FPGS: variants seen among roughly 807,000 people sequenced by gnomAD.
FPGS encodes the protein folylpolyglutamate synthase, mitochondrial.
A neutral mutation model predicts 66.5 loss-of-function variants in FPGS; 53 were observed. That is an observed-to-expected ratio of 0.80 (90% confidence interval 0.64 to 1.00). The LOEUF is 1.00. Ranked by LOEUF, FPGS falls within the 50% of genes least tolerant of loss-of-function variation. The probability of loss-of-function intolerance (pLI) is 0.00; values close to 1 mark genes in which losing one functional copy is unlikely to be tolerated. For synonymous variants in FPGS, 348 were observed against 350.9 expected (o/e 0.99, Z 0.09); for missense variants, 702 against 807.7 (o/e 0.87, Z 1.59).
rs1160647258 is a variant in FPGS at position 127,803,161 on chromosome 9, CG to C, written c.138+102del. On this transcript the variant is annotated intron_variant, in intron 1 of 14. Transcript: ENST00000373247. ...CGGGCTCCGCTAGCCGAGAGGGTAT[CG>C]GGAGCCCTGGACTGGGGGACTCGGG... 3.8e-3 allele frequency: 4,164 copies of C among 1,095,398 alleles called. 9 individuals carry two copies. Among genetic ancestry groups the C allele is most frequent in the Non-Finnish European group, 4.4e-3 (3,950 of 906,742 alleles). The allele number at this position is 1,095,398 out of a possible 1,614,324, so 67.9% of individuals were successfully genotyped here. A position where few individuals can be genotyped will look rare whatever the true frequency, so the allele number is the denominator to read the frequency against.
Position 127,807,520 on chromosome 9 carries a change from G to A in FPGS, c.641+38G>A, listed in dbSNP as rs1829864815. On this transcript the variant is annotated intron_variant, in intron 7 of 14. Transcript: ENST00000373247. This position sits in a 1 kb window ranked among gnomAD's most constrained non-coding sequence, Gnocchi z 5.8. ...GCTTGGGACGAGGGGTGGCAGCCAG[G>A]AGCACAGCCTCACCTGCCGCCTGGT... 6.2e-7 allele frequency: 1 copy of A among 1,613,292 alleles called. No individual in the cohort carries two copies. Among genetic ancestry groups the A allele is most frequent in the African/African-American group, 1.3e-5 (1 of 74,918 alleles).
intron 8 of FPGS, 48 bp from the exon 9 acceptor site, chr9:127,808,186 T>C: frequency 7.3e-7 from 1 of 1,376,070 alleles, no homozygotes; most frequent in Non-Finnish European, 1.0e-6. Context: ...GAGATAGGAG[T>C]GTGGAGGATG....
intron 13 of FPGS, 66 bp from the exon 14 acceptor site, chr9:127,810,879 G>A: frequency 1.3e-6 from 1 of 799,464 alleles, no homozygotes; most frequent in Non-Finnish European, 2.1e-6. Context: ...GGCGCAGGGG[G>A]CCATATGGAA....
Position 127,813,385 on chromosome 9 carries a change from C to G in FPGS, c.1545C>G (p.Leu515=). The G allele has an allele frequency of 6.2e-7, 1 of 1,610,776 alleles. No homozygotes were observed. The highest frequency in any genetic ancestry group is 8.5e-7 in the Non-Finnish European group (1 of 1,178,090). Residue 515 remains leucine (L), a synonymous_variant, in exon 15 of 15, where the codon CTC becomes CTG. Transcript: ENST00000373247. The stretch of plus-strand genomic sequence containing the variant: ...CCCACACCTGCAGTGCCAGCTCCCT[C>G]GTCTTCAGCTGCATTTCACATGCCT... ...HPPHTCSASS[L]VFSCISHALQ...
Position 127,813,349 on chromosome 9 carries a change from GCCCCACCCA to G in FPGS, c.1516_1524del (p.Pro506_His508del), listed in dbSNP as rs1830168706. ...GTGGGTCCGCATCCCTGCTTCTGGCGCCCCACCCACCCCACACCTGCAGTGCCAGCTCCC... is the reference window on the plus strand; with the variant it reads ...GTGGGTCCGCATCCCTGCTTCTGGCGCCCCACACCTGCAGTGCCAGCTCCC... On this transcript the variant is annotated inframe_deletion, in exon 15 of 15. Coordinates refer to ENST00000373247, the MANE Select transcript of FPGS (RefSeq NM_004957.6). 1 of 1,612,536 alleles carries G rather than the reference GCCCCACCCA, an allele frequency of 6.2e-7. No homozygotes were observed. Among genetic ancestry groups the G allele is most frequent in the South Asian group, 1.1e-5 (1 of 90,982 alleles).
chr9:127,810,853 C>T (rs1830042629), intron 13 of FPGS, 92 bp from the exon 14 acceptor site: 3 of 656,818 alleles, frequency 4.6e-6, no homozygotes, highest in Admixed American at 4.6e-5. Flanking sequence ...AGGGAGGCTG[C>T]ATCTCCAGAG....
At chr9:127,813,114 A>G in intron 14 of FPGS, 81 bp from the exon 15 acceptor site, 1 of 1,495,744 alleles carries the variant, frequency 6.7e-7, no homozygotes, top group South Asian at 1.4e-5. Flanking sequence ...GCAGGTGCTC[A>G]CGGTGCACCC....
chr9:127,807,289 G>C lies in FPGS; in HGVS notation c.579+3G>C, dbSNP rs1363841878. 6.2e-7 allele frequency: 1 copy of C among 1,614,166 alleles called. No individual in the cohort carries two copies. ...TCCACGTCTTCCTCCAAGAGAAGGT[G>C]TGTGCCCTCTCCCTAGAACCCTGCA... is the stretch of plus-strand genomic sequence containing the variant. On this transcript the variant is annotated splice_donor_region_variant and intron_variant, in intron 6 of 14. Coordinates refer to ENST00000373247, the MANE Select transcript of FPGS (RefSeq NM_004957.6). This position sits in a 1 kb window ranked among gnomAD's most constrained non-coding sequence, Gnocchi z 5.8.
Position 127,802,998 on chromosome 9 carries a change from A to G in FPGS, c.74A>G (p.Gln25Arg), listed in dbSNP as rs1240308258. The G allele has an allele frequency of 6.8e-7, 1 of 1,465,786 alleles. No individual in the cohort carries two copies. The highest frequency in any genetic ancestry group is 8.9e-7 in the Non-Finnish European group (1 of 1,117,552). 90.8% of individuals were successfully genotyped at this position (1,465,786 alleles called of 1,614,324 possible). A position where few individuals can be genotyped will look rare whatever the true frequency, so the allele number is the denominator to read the frequency against. Reference protein sequence around the residue: ...AAASARGITTQVAARRGLSAW... With the variant: ...AAASARGITTRVAARRGLSAW... ...GCGTCTGCGCGCGGCATAACGACCC[A>G]GGTCGCGGCGCGGCGGGGCTTGAGC... The change falls in exon 1 of 15, where the codon CAG (glutamine) becomes CGG (arginine). Residue 25 changes from glutamine to arginine, a missense_variant. Around this residue, in one of 3 missense-constraint regions of FPGS, gnomAD observed 111 missense variants for 95.4 expected, o/e 1.16. Transcript: ENST00000373247.
chr9:127,809,036 A>T, intron 11 of FPGS, 147 bp downstream of exon 11: 9 of 628,552 alleles, frequency 1.4e-5, no homozygotes, highest in Non-Finnish European at 5.5e-6. Context: ...ATGTCAGCAA[A>T]CCTCCCTGAC....
At chr9:127,806,887 G>A (rs1829832260) in intron 4 of FPGS, 86 bp from the exon 5 acceptor site, 1 of 976,434 alleles carries the variant, frequency 1.0e-6, no homozygotes, top group African/African-American at 1.6e-5. Context: ...ATGAGGCACG[G>A]AGGCCAGTAG....
chr9:127,803,540 G>A (rs1257369286), intron 1 of FPGS: 1 of 474,906 alleles, frequency 2.1e-6, no homozygotes, highest in Non-Finnish European at 2.8e-6. Context: ...GGTAGTGGAG[G>A]GCCCCAGAAC....
rs1421611927 is a variant in FPGS, at chr9:127,814,020, G to A, written c.*416G>A. The A allele has an allele frequency of 3.9e-6, 4 of 1,024,514 alleles. No homozygotes were observed. The highest frequency in any genetic ancestry group is 4.6e-5 in the South Asian group (1 of 21,690). The allele number at this position is 1,024,514 out of a possible 1,614,324, so 63.5% of individuals were successfully genotyped here. A position where few individuals can be genotyped will look rare whatever the true frequency, so the allele number is the denominator to read the frequency against. ...CCTCTGCCTGGGACACTGCGGGACA[G>A]AGGGTGGCTGGAGTGAATTAAAGCC... is the stretch of plus-strand genomic sequence containing the variant. On this transcript the variant is annotated 3_prime_UTR_variant, in exon 15 of 15. Coordinates refer to ENST00000373247, the MANE Select transcript of FPGS (RefSeq NM_004957.6).
chr9:127,806,507 AAAAT>A (rs1417332081), intron 4 of FPGS: 5 of 169,776 alleles, frequency 2.9e-5, no homozygotes, highest in South Asian at 1.4e-4. Flanking sequence ...CCCTGTCTCA[AAAAT>A]AAATAAATAA....
rs1182604570 is a variant in FPGS, at chr9:127,808,547, G to C, written c.823-11G>C. On this transcript the variant is annotated splice_polypyrimidine_tract_variant and intron_variant, in intron 9 of 14. Transcript: ENST00000373247. ...GGCCTCTGCTGACCCGCTCCTGCCT[G>C]TCTCCCCTAGTGTCCTCTATACCTG... is the stretch of plus-strand genomic sequence containing the variant. The C allele has an allele frequency of 6.2e-7, 1 of 1,612,414 alleles. No homozygotes were observed. Among genetic ancestry groups the C allele is most frequent in the Admixed American group, 1.7e-5 (1 of 59,972 alleles).
chr9:127,807,750 C>A lies in FPGS; in HGVS notation c.744+62C>A. The A allele has an allele frequency of 9.5e-7, 1 of 1,053,938 alleles. No homozygotes were observed. The highest frequency in any genetic ancestry group is 1.4e-6 in the Non-Finnish European group (1 of 722,646). 65.3% of individuals were successfully genotyped at this position (1,053,938 alleles called of 1,614,324 possible). On this transcript the variant is annotated intron_variant, in intron 8 of 14. Coordinates refer to ENST00000373247, the MANE Select transcript of FPGS (RefSeq NM_004957.6). The surrounding 1 kb of genome is among the most constrained non-coding windows in gnomAD (Gnocchi z 5.8). ...AGGCCTGGGAGTCTACGTTTTCATC[C>A]TGGCTTCACTGTGTGACTGGAACAA...
chr9:127,803,092 C>G lies in FPGS; in HGVS notation c.138+30C>G, dbSNP rs772896112. ...CAGGCGGGCCAGCGGGCCAGCGGGCCTGGGCGCGACGACACGTGGGCCTGC... is the reference window on the plus strand; with the variant it reads ...CAGGCGGGCCAGCGGGCCAGCGGGCGTGGGCGCGACGACACGTGGGCCTGC... On this transcript the variant is annotated intron_variant, in intron 1 of 14. Transcript: ENST00000373247. The G allele has an allele frequency of 2.9e-5, 39 of 1,363,948 alleles. 2 individuals are homozygous for G. The highest frequency in any genetic ancestry group is 3.2e-5 in the Non-Finnish European group (34 of 1,063,902). The allele number at this position is 1,363,948 out of a possible 1,614,324, so 84.5% of individuals were successfully genotyped here.
rs1296879233 is a variant in FPGS, at chr9:127,804,559, G to C, written c.321+7G>C. The C allele has an allele frequency of 5.6e-6, 9 of 1,614,054 alleles. No homozygotes were observed. The African/African-American group carries it at 8.0e-5, about 14-fold the overall frequency. ...CACTGGGACGAAGGGGAAGGTGAGG[G>C]GCAGGACCCTGGGGTAGGGGGTCTA... On this transcript the variant is annotated splice_region_variant and intron_variant, in intron 3 of 14. Coordinates refer to ENST00000373247, the MANE Select transcript of FPGS (RefSeq NM_004957.6).
In FPGS at chr9:127,813,757, G is replaced by T; in HGVS notation, c.*153G>T. On this transcript the variant is annotated 3_prime_UTR_variant, in exon 15 of 15. Transcript: ENST00000373247. Reference sequence around the variant, plus strand: ...TTGGGATGGGAGGCCGGGAGAGGATGTCTTTTTTAAGGCTCTGTGCCTTGG... The same window carrying T: ...TTGGGATGGGAGGCCGGGAGAGGATTTCTTTTTTAAGGCTCTGTGCCTTGG... 1 of 1,311,050 alleles carries T rather than the reference G, an allele frequency of 7.6e-7. No individual in the cohort carries two copies. The highest frequency in any genetic ancestry group is 9.6e-7 in the Non-Finnish European group (1 of 1,036,458). The allele number at this position is 1,311,050 out of a possible 1,614,324, so 81.2% of individuals were successfully genotyped here. A position where few individuals can be genotyped will look rare whatever the true frequency, so the allele number is the denominator to read the frequency against.
Sources: allele counts gnomAD v4.1 joint callset, GRCh38; gene constraint gnomAD v4.1.1; regional missense constraint gnomAD v4.1.1; non-coding constraint Gnocchi (gnomAD v3.1); transcripts MANE v1.5; gene names NCBI Gene and HGNC (gene_info 2026-07-23, HGNC 2026-07-21).